AGR3: variants seen among roughly 807,000 people sequenced by gnomAD.
AGR3 encodes the protein anterior gradient 3, protein disulphide isomerase family member.
Under a neutral mutation model 24.5 loss-of-function variants are expected in AGR3, and 37 were observed. The observed-to-expected ratio is 1.51, with a 90% CI of 1.16 to 1.99. The LOEUF (loss-of-function observed/expected upper bound fraction) is 1.99. Ranked by LOEUF, AGR3 falls within the 30% of genes most tolerant of loss-of-function variation. The pLI, the probability that AGR3 is intolerant of heterozygous loss-of-function variation, is 0.00. For synonymous variants in AGR3, 75 were observed against 61.6 expected (o/e 1.22, Z -1.02); for missense variants, 228 against 191.1 (o/e 1.19, Z -1.14).
intron 2 of AGR3, among the ~76,000 whole-genome samples, chr7:16,874,680 GTT>G (rs1781951367): frequency 6.6e-6 from 1 of 152,098 alleles, no homozygotes; most frequent in South Asian, 2.1e-4. Flanking sequence ...TCAGACCACA[GTT>G]TCTGGCTTTA....
At chr7:16,881,666 A>C (rs1022486573) in intron 1 of AGR3, among the ~76,000 whole-genome samples, 1 of 152,212 alleles carries the variant, frequency 6.6e-6, no homozygotes, top group Non-Finnish European at 1.5e-5. Context: ...AACAAGACTT[A>C]AAAGAATATA....
chr7:16,870,640 G>A (rs549272850), intron 3 of AGR3, among the ~76,000 whole-genome samples: 8 of 152,154 alleles, frequency 5.3e-5, no homozygotes, highest in African/African-American at 1.2e-4. Flanking sequence ...TTCAGAATTG[G>A]TGGAGATTAG....
At position 16,860,510 on chromosome 7, in the gene AGR3, A is replaced by G; in HGVS notation, c.441T>C (p.Asp147=). ...SNRLYTYEPR[D]LPLLIENMKK... ...TTTGTGAATACTTACATAGGGGTAA[A>G]TCCCGAGGCTCATATGTGTACAATC... Residue 147 remains aspartate (D), a synonymous_variant, in exon 7 of 8, where the codon GAT becomes GAC. Coordinates refer to ENST00000310398, the MANE Select transcript of AGR3 (RefSeq NM_176813.5). 1 of 1,612,490 alleles carries G rather than the reference A, an allele frequency of 6.2e-7. No individual in the cohort carries two copies. Among genetic ancestry groups the G allele is most frequent in the East Asian group, 2.2e-5 (1 of 44,850 alleles).
intron 3 of AGR3, among the ~76,000 whole-genome samples, chr7:16,870,162 G>A (rs1471006942): frequency 6.6e-6 from 1 of 151,658 alleles, no homozygotes; most frequent in East Asian, 1.9e-4. Context: ...TTATTCTGGG[G>A]TATTTTCTTT....
At position 16,878,645 on chromosome 7, in the gene AGR3, G is replaced by T. The variant is rs910296076; in HGVS notation, c.-27C>A. ...TCTTCTAGAGACTCTCTCAGAAGAA[G>T]CTAGATGACAGAAAGGAATTCTCAG... On this transcript the variant is annotated splice_region_variant and 5_prime_UTR_variant, in exon 2 of 8. Coordinates refer to ENST00000310398, the MANE Select transcript of AGR3 (RefSeq NM_176813.5). 3 of 1,572,280 alleles carry T rather than the reference G, an allele frequency of 1.9e-6. No individual in the cohort carries two copies. In the African/African-American group the frequency reaches 4.1e-5, roughly 21 times the overall value.
intron 4 of AGR3, 121 bp from the exon 5 acceptor site, chr7:16,862,181 A>T: frequency 1.3e-6 from 1 of 744,104 alleles, no homozygotes; most frequent in South Asian, 1.8e-5. Context: ...GTAAATATTA[A>T]TAGTTCATTG....
chr7:16,880,668 G>T (rs1782102184), intron 1 of AGR3, among the ~76,000 whole-genome samples: 1 of 151,062 alleles, frequency 6.6e-6, no homozygotes, highest in Admixed American at 6.6e-5. Context: ...AAGAATTTCA[G>T]TTTAAGTTCT....
intron 3 of AGR3, among the ~76,000 whole-genome samples, chr7:16,867,500 T>C (rs1174192419): frequency 1.3e-5 from 2 of 152,216 alleles, no homozygotes; most frequent in African/African-American, 2.4e-5. Context: ...TCTCACATAC[T>C]TATTTTTTGT....
chr7:16,861,522 CTG>C, intron 5 of AGR3, 75 bp from the exon 6 acceptor site: 1 of 1,268,204 alleles, frequency 7.9e-7, no homozygotes, highest in Admixed American at 1.9e-5. Context: ...TTTTGTGTGA[CTG>C]TCAGTAAATT....
chr7:16,865,485 T>G lies in AGR3; in HGVS notation c.174-2823A>C, dbSNP rs1383995888. On this transcript the variant is annotated intron_variant, in intron 3 of 7. Coordinates refer to ENST00000310398, the MANE Select transcript of AGR3 (RefSeq NM_176813.5). ...TGAGGTAGAATGCTCTTCCCGAATT[T>G]CTTTGGGGAACAAGAAACTTTGATT... The G allele has an allele frequency of 1.2e-5, 9 of 733,202 alleles. No individual in the cohort carries two copies. The Admixed American group carries it at 1.9e-4, about 15-fold the overall frequency. 45.4% of individuals were successfully genotyped at this position (733,202 alleles called of 1,614,324 possible). A position where few individuals can be genotyped will look rare whatever the true frequency, so the allele number is the denominator to read the frequency against.
At chr7:16,871,420 A>G (rs1253305842) in intron 3 of AGR3, among the ~76,000 whole-genome samples, 2 of 152,204 alleles carry the variant, frequency 1.3e-5, no homozygotes, top group African/African-American at 4.8e-5. Flanking sequence ...TCAATGAGGT[A>G]TCTATATGAT....
At chr7:16,864,658 C>T (rs1488058114) in intron 3 of AGR3, 2 of 1,583,544 alleles carry the variant, frequency 1.3e-6, no homozygotes, top group Non-Finnish European at 1.7e-6. Flanking sequence ...AGCTGGTAGG[C>T]AGAAGTCAGG....
downstream of AGR3, among the ~76,000 whole-genome samples, chr7:16,854,783 C>T (rs551189439): frequency 5.0e-4 from 76 of 152,278 alleles, no homozygotes; most frequent in Admixed American, 7.2e-4. Flanking sequence ...GAAGGAGAAT[C>T]TTTTCCGTGC....
downstream of AGR3, among the ~76,000 whole-genome samples, chr7:16,857,014 T>C (rs1197640214): frequency 6.6e-6 from 1 of 150,622 alleles, no homozygotes; most frequent in Non-Finnish European, 1.5e-5. Context: ...GGTCTCACTA[T>C]GTTGCCCAAG....
intron 1 of AGR3, 41 bp from the exon 2 acceptor site, chr7:16,878,686 T>A (rs1366203924): frequency 7.4e-7 from 1 of 1,353,198 alleles, no homozygotes; most frequent in Non-Finnish European, 1.1e-6. Flanking sequence ...AGTGAATTAC[T>A]TCAAGCTATT....
intron 2 of AGR3, among the ~76,000 whole-genome samples, chr7:16,875,362 G>A (rs1473144872): frequency 6.6e-6 from 1 of 152,052 alleles, no homozygotes; most frequent in Non-Finnish European, 1.5e-5. Flanking sequence ...CATACAATAT[G>A]TAGGCTTTTG....
rs1275575522 is a variant in AGR3 at position 16,862,591 on chromosome 7, T to C, written c.226+19A>G. The C allele has an allele frequency of 6.9e-7, 1 of 1,457,226 alleles. No homozygotes were observed. The highest frequency in any genetic ancestry group is 2.5e-5 in the Admixed American group (1 of 40,628). The allele number at this position is 1,457,226 out of a possible 1,614,324, so 90.3% of individuals were successfully genotyped here. A position where few individuals can be genotyped will look rare whatever the true frequency, so the allele number is the denominator to read the frequency against. ...GGAAATATTATATATTATAATAAGA[T>C]ATCAGGGGCTAAAATTACCTTGAGA... On this transcript the variant is annotated intron_variant, in intron 4 of 7. Transcript: ENST00000310398.
At position 16,864,208 on chromosome 7, in the gene AGR3, A is replaced by G. The variant is rs936387724; in HGVS notation, c.174-1546T>C. 9.5e-6 allele frequency: 10 copies of G among 1,052,648 alleles called. No individual in the cohort carries two copies. In the African/African-American group the frequency reaches 1.3e-4, roughly 13 times the overall value. 65.2% of individuals were successfully genotyped at this position (1,052,648 alleles called of 1,614,324 possible). A position where few individuals can be genotyped will look rare whatever the true frequency, so the allele number is the denominator to read the frequency against. The stretch of plus-strand genomic sequence containing the variant: ...AGTATATTAACTCTGCTGAAGTACC[A>G]CTGAATGAAACAAAAATGAATCTGT... On this transcript the variant is annotated intron_variant, in intron 3 of 7. Coordinates refer to ENST00000310398, the MANE Select transcript of AGR3 (RefSeq NM_176813.5).
intron 3 of AGR3, chr7:16,865,760 CTTGATTCA>C (rs1781747296): frequency 4.0e-6 from 3 of 753,484 alleles, no homozygotes; most frequent in Non-Finnish European, 7.4e-6. Flanking sequence ...CATATGGAAG[CTTGATTCA>C]GTATGAAACA....
Sources: gnomAD v4.1 joint callset for allele counts (sites outside exome capture counted in the v4.1 genomes callset) on GRCh38, gnomAD v4.1.1 for gene constraint, MANE v1.5 for transcripts, NCBI Gene and HGNC (gene_info 2026-07-23, HGNC 2026-07-21) for gene names.